Variants in RBFOX1 observed in about 807,000 individuals in gnomAD.
RBFOX1 encodes the protein RNA binding fox-1 homolog 1.
Under a neutral mutation model 57.7 loss-of-function variants are expected in RBFOX1, and 8 were observed. That is an observed-to-expected ratio of 0.14 (90% CI 0.08 to 0.25). The LOEUF (loss-of-function observed/expected upper bound fraction) is 0.25. Among genes scored for constraint, RBFOX1 ranks in the 10% least tolerant of loss-of-function variants. RBFOX1 has a pLI of 1.00. For synonymous variants in RBFOX1, 326 were observed against 222.4 expected (o/e 1.47, Z -4.15); for missense variants, 611 against 548.5 (o/e 1.11, Z -1.14).
chr16:5,977,344 CAG>C (rs1341747305), intron 4 of RBFOX1, among the ~76,000 whole-genome samples: 1 of 152,168 alleles, frequency 6.6e-6, no homozygotes, highest in African/African-American at 2.4e-5. Context: ...GCCCGTCATG[CAG>C]AGTCTCTCCA....
chr16:7,196,326 G>C (rs1602616403), intron 4 of RBFOX1, among the ~76,000 whole-genome samples: 1 of 152,208 alleles, frequency 6.6e-6, no homozygotes, highest in East Asian at 1.9e-4. Flanking sequence ...ATGTCTCAGG[G>C]AATTTCTCCT....
chr16:7,381,426 C>A (rs2097780322), intron 4 of RBFOX1, among the ~76,000 whole-genome samples: 1 of 152,128 alleles, frequency 6.6e-6, no homozygotes, highest in Non-Finnish European at 1.5e-5. Context: ...CTCTTCCTTT[C>A]TGAAATTCCT....
chr16:7,329,669 C>G (rs1355765344), intron 4 of RBFOX1, among the ~76,000 whole-genome samples: 1 of 152,060 alleles, frequency 6.6e-6, no homozygotes, highest in Non-Finnish European at 1.5e-5. Flanking sequence ...TATATAAATA[C>G]AAAATCAGAA....
In RBFOX1 at chr16:6,108,626, C is replaced by T. The variant is rs138180007; in HGVS notation, c.-127+88634C>T. Among the ~76,000 whole-genome samples, 219 of 152,242 alleles carry T rather than the reference C, an allele frequency of 1.4e-3. 1 individual carries two copies. Among genetic ancestry groups the T allele is most frequent in the African/African-American group, 4.9e-3 (203 of 41,558 alleles). On this transcript the variant is annotated intron_variant, in intron 1 of 15. Coordinates refer to ENST00000550418, the MANE Select transcript of RBFOX1 (RefSeq NM_018723.4). ...TTGTCACACAGTTGGTGGCTTAGCA[C>T]GACATTTATTCTTTCACAGTTCTAG...
intron 2 of RBFOX1, among the ~76,000 whole-genome samples, chr16:6,431,563 T>A (rs2153005386): frequency 6.6e-6 from 1 of 151,762 alleles, no homozygotes; most frequent in South Asian, 2.1e-4. Context: ...GCTCCGAGGG[T>A]GTAAATGGTG....
chr16:6,380,711 TG>T (rs145466250), intron 2 of RBFOX1, among the ~76,000 whole-genome samples: 11,771 of 152,158 alleles, frequency 0.077, 561 homozygotes, highest in Middle Eastern at 0.23. Context: ...AAACCATTTC[TG>T]TAAAACAGGT....
chr16:6,253,674 CATGTGTGT>C (rs1416053872), intron 1 of RBFOX1, among the ~76,000 whole-genome samples: 3 of 47,498 alleles, frequency 6.3e-5, no homozygotes. Flanking sequence ...TGTGTGTGTG[CATGTGTGT>C]GTGTGTGTGT....
At position 7,567,234 on chromosome 16, in the gene RBFOX1, T is replaced by TAA. The variant is rs1224629126; in HGVS notation, c.271-12542_271-12541insAA. Among the ~76,000 whole-genome samples, 190 of 60,060 alleles carry TAA rather than the reference T, an allele frequency of 3.2e-3. 1 individual carries two copies. The highest frequency in any genetic ancestry group is 3.8e-3 in the Non-Finnish European group (100 of 26,612). 39.4% of individuals were successfully genotyped at this position (60,060 alleles called of 152,430 possible). Reference sequence around the variant, plus strand: ...AAATATCCATATATATATCCCTATATATATATCCATATATCCCTATATATA... The same window carrying TAA: ...AAATATCCATATATATATCCCTATATAAATATATCCATATATCCCTATATATA... On this transcript the variant is annotated intron_variant, in intron 5 of 15. Transcript: ENST00000550418.
At chr16:6,045,706 G>A (rs1010459264) in intron 1 of RBFOX1, among the ~76,000 whole-genome samples, 7 of 152,172 alleles carry the variant, frequency 4.6e-5, no homozygotes, top group South Asian at 2.1e-4. Context: ...GAGCCATACC[G>A]ATGGTGATAT....
chr16:5,665,236 C>T (rs1354942890), intron 3 of RBFOX1, among the ~76,000 whole-genome samples: 1 of 152,054 alleles, frequency 6.6e-6, no homozygotes, highest in Non-Finnish European at 1.5e-5. Context: ...CAGGCAGGAG[C>T]CACTGCTTCT....
chr16:6,920,963 A>G (rs1395561056), intron 3 of RBFOX1, among the ~76,000 whole-genome samples: 3 of 152,202 alleles, frequency 2.0e-5, no homozygotes. Context: ...TGACTATCAG[A>G]GAATGGATTC....
At position 7,116,239 on chromosome 16, in the gene RBFOX1, A is replaced by C. The variant is rs191953975; in HGVS notation, c.27+64141A>C. Among the ~76,000 whole-genome samples the C allele has an allele frequency of 1.1e-4, 17 of 152,220 alleles. 1 individual carries two copies. Among genetic ancestry groups the C allele is most frequent in the Middle Eastern group, 3.4e-3 (1 of 294 alleles). On this transcript the variant is annotated intron_variant, in intron 4 of 15. Transcript: ENST00000550418. ...CCACCTTCCTGAATATATAGAGAGAAAGCCCATGCAGTAAACCAATCAAAT... is the reference window on the plus strand; with the variant it reads ...CCACCTTCCTGAATATATAGAGAGACAGCCCATGCAGTAAACCAATCAAAT...
chr16:7,558,818 G>C (rs1490017422), intron 5 of RBFOX1, among the ~76,000 whole-genome samples: 1 of 152,174 alleles, frequency 6.6e-6, no homozygotes, highest in Non-Finnish European at 1.5e-5. Flanking sequence ...GCCTTTCTGA[G>C]AGCACTTGTG....
intron 4 of RBFOX1, among the ~76,000 whole-genome samples, chr16:7,258,216 C>A (rs892395823): frequency 6.6e-6 from 1 of 152,194 alleles, no homozygotes; most frequent in African/African-American, 2.4e-5. Flanking sequence ...GGCATGTATG[C>A]ACACCATAAA....
At chr16:6,629,057 C>G (rs534790043) in intron 2 of RBFOX1, among the ~76,000 whole-genome samples, 1 of 152,136 alleles carries the variant, frequency 6.6e-6, no homozygotes, top group Non-Finnish European at 1.5e-5. Flanking sequence ...AGCATACATA[C>G]TAAACCTATG....
At chr16:6,615,579 A>G (rs1427227287) in intron 2 of RBFOX1, among the ~76,000 whole-genome samples, 1 of 152,164 alleles carries the variant, frequency 6.6e-6, no homozygotes, top group Admixed American at 6.5e-5. Context: ...AAAAAAAAAA[A>G]AAAATCCTCT....
At chr16:5,691,974 C>T (rs1029556653) in intron 3 of RBFOX1, among the ~76,000 whole-genome samples, 5 of 152,160 alleles carry the variant, frequency 3.3e-5, no homozygotes, top group Non-Finnish European at 5.9e-5. Context: ...CTGAGTGTCA[C>T]ATTCTTCACC....
intron 3 of RBFOX1, among the ~76,000 whole-genome samples, chr16:6,835,274 G>A (rs143424071): frequency 1.3e-5 from 2 of 152,128 alleles, no homozygotes; most frequent in Non-Finnish European, 2.9e-5. Flanking sequence ...CAGCTGCTAT[G>A]CGGGTTCCCT....
At chr16:7,582,879 C>G (rs1008135072) in intron 6 of RBFOX1, among the ~76,000 whole-genome samples, 4 of 152,042 alleles carry the variant, frequency 2.6e-5, no homozygotes, top group Admixed American at 1.3e-4. Context: ...CAAAACAAGA[C>G]AAAAAAGCAA....
Sources: allele counts gnomAD v4.1 joint callset (sites outside exome capture counted in the v4.1 genomes callset), GRCh38; gene constraint gnomAD v4.1.1; transcripts MANE v1.5; gene names NCBI Gene and HGNC (gene_info 2026-07-23, HGNC 2026-07-21).